The following SLC26A7 variants were observed in gnomAD, a reference collection of about 807,000 sequenced individuals.
SLC26A7 encodes the protein solute carrier family 26 member 7, also known as anion exchange transporter.
In SLC26A7, 59 loss-of-function variants were observed where a neutral mutation model predicts 82.5. The observed-to-expected ratio is 0.72, with a 90% CI of 0.58 to 0.89. SLC26A7 has a LOEUF of 0.89. Among genes scored for constraint, SLC26A7 ranks in the 40% least tolerant of loss-of-function variants. The pLI, the probability that SLC26A7 is intolerant of heterozygous loss-of-function variation, is 0.00. For synonymous variants in SLC26A7, 271 were observed against 274.3 expected (o/e 0.99, Z 0.12); for missense variants, 820 against 793.0 (o/e 1.03, Z -0.41).
chr8:91,390,216 A>G (rs975360157), intron 16 of SLC26A7, among the ~76,000 whole-genome samples: 3 of 150,638 alleles, frequency 2.0e-5, no homozygotes, highest in Non-Finnish European at 4.4e-5. Flanking sequence ...TCCTGGGATC[A>G]CGCCATTCTC....
At chr8:91,383,261 AATG>A (rs1362287252) in intron 15 of SLC26A7, among the ~76,000 whole-genome samples, 1 of 152,184 alleles carries the variant, frequency 6.6e-6, no homozygotes, top group Non-Finnish European at 1.5e-5. Context: ...GAACAATACA[AATG>A]ATGATTCTGA....
intron 2 of SLC26A7, among the ~76,000 whole-genome samples, chr8:91,222,719 T>C (rs1051856145): frequency 6.6e-6 from 1 of 152,202 alleles, no homozygotes; most frequent in Non-Finnish European, 1.5e-5. Flanking sequence ...TTGATCGTGG[T>C]GGATAAATTT....
intron 3 of SLC26A7, among the ~76,000 whole-genome samples, chr8:91,290,695 C>G (rs1167824404): frequency 6.6e-6 from 1 of 152,188 alleles, no homozygotes; most frequent in East Asian, 1.9e-4. Flanking sequence ...TTAATTCTCT[C>G]TTACCATATA....
At chr8:91,295,481 C>A (rs1811990129) in intron 3 of SLC26A7, 50 bp from the exon 4 acceptor site, 1 of 1,564,826 alleles carries the variant, frequency 6.4e-7, no homozygotes, top group Non-Finnish European at 8.7e-7. Flanking sequence ...TTTTATTGAG[C>A]CTTTAAATCA....
chr8:91,242,513 A>C (rs1810488185), intron 2 of SLC26A7, among the ~76,000 whole-genome samples: 1 of 152,180 alleles, frequency 6.6e-6, no homozygotes, highest in African/African-American at 2.4e-5. Context: ...CCCCAGTGTG[A>C]TGGAATCTAG....
intron 15 of SLC26A7, among the ~76,000 whole-genome samples, chr8:91,377,764 TG>T (rs1185947278): frequency 6.6e-6 from 1 of 152,176 alleles, no homozygotes; most frequent in African/African-American, 2.4e-5. Flanking sequence ...CCCCCACCTA[TG>T]TTTTCCGTGA....
intron 4 of SLC26A7, among the ~76,000 whole-genome samples, chr8:91,307,784 A>C (rs1013640655): frequency 4.4e-4 from 64 of 145,598 alleles, no homozygotes; most frequent in African/African-American, 1.5e-3. Context: ...ATGTACCCTA[A>C]AACTTAAAGT....
chr8:91,390,352 C>A (rs1235678464), intron 16 of SLC26A7, among the ~76,000 whole-genome samples: 1 of 152,144 alleles, frequency 6.6e-6, no homozygotes, highest in Non-Finnish European at 1.5e-5. Flanking sequence ...CTCCTGACCT[C>A]GTGATCTACC....
At chr8:91,279,123 G>GTATATA (rs1223990677) in intron 2 of SLC26A7, among the ~76,000 whole-genome samples, 22 of 78,782 alleles carry the variant, frequency 2.8e-4, no homozygotes, top group African/African-American at 1.3e-3. Flanking sequence ...GTGTGTGTGT[G>GTATATA]TGTATATATA....
chr8:91,343,065 T>G (rs1416393043), intron 8 of SLC26A7: 2 of 275,026 alleles, frequency 7.3e-6, no homozygotes, highest in African/African-American at 2.2e-5. Context: ...CTGACTGATG[T>G]GACCTAAAGA....
chr8:91,267,295 T>C (rs1811140562), intron 2 of SLC26A7, among the ~76,000 whole-genome samples: 1 of 151,958 alleles, frequency 6.6e-6, no homozygotes, highest in Admixed American at 6.6e-5. Flanking sequence ...CAGTATTCTC[T>C]CCTCTTCAAC....
intron 2 of SLC26A7, among the ~76,000 whole-genome samples, chr8:91,281,521 G>T (rs79482364): frequency 6.6e-6 from 1 of 152,054 alleles, no homozygotes; most frequent in Admixed American, 6.5e-5. Flanking sequence ...GGTATCCCGG[G>T]GTGTCCTAGA....
At chr8:91,321,816 T>A (rs1337374634) in intron 5 of SLC26A7, among the ~76,000 whole-genome samples, 1 of 152,102 alleles carries the variant, frequency 6.6e-6, no homozygotes, top group African/African-American at 2.4e-5. Context: ...TGGGAAAAAA[T>A]TATTATTTTT....
At chr8:91,340,977 A>G (rs1220270163) in intron 8 of SLC26A7, among the ~76,000 whole-genome samples, 1 of 144,436 alleles carries the variant, frequency 6.9e-6, no homozygotes, top group Non-Finnish European at 1.5e-5. Flanking sequence ...ACTTTTGCAT[A>G]TGTCCTGTTT....
At chr8:91,259,213 A>C (rs1424836456) in intron 2 of SLC26A7, among the ~76,000 whole-genome samples, 1 of 152,054 alleles carries the variant, frequency 6.6e-6, no homozygotes, top group Non-Finnish European at 1.5e-5. Context: ...ATCTAATCAC[A>C]CAGGTTCCAT....
In SLC26A7 at chr8:91,239,400, ATATATATATATG is replaced by A. The variant is rs1457557023; in HGVS notation, c.-33-10213_-33-10202del. 1.3e-3 allele frequency among the ~76,000 whole-genome samples: 144 copies of A among 111,800 alleles called. 6 individuals are homozygous for A. Among genetic ancestry groups the A allele is most frequent in the East Asian group, 0.012 (43 of 3,528 alleles). 73.3% of individuals were successfully genotyped at this position (111,800 alleles called of 152,430 possible). Reference sequence around the variant, plus strand: ...CAAAAAAAAAAAAAAAAAAAAATATATATATATATATGTATATGTATATATATGTATATATGT... The same window carrying A: ...CAAAAAAAAAAAAAAAAAAAAATATATATATGTATATATATGTATATATGT... On this transcript the variant is annotated intron_variant, in intron 2 of 5. Coordinates refer to the SLC26A7 transcript ENST00000522862.
rs747075043 is a variant in SLC26A7, at chr8:91,362,399, A to G, written c.1361A>G (p.Asn454Ser). The G allele has an allele frequency of 2.4e-5, 38 of 1,613,364 alleles. 1 individual carries two copies. The South Asian group carries it at 2.9e-4, about 12-fold the overall frequency. The change falls in exon 12 of 19, where the codon AAT (asparagine) becomes AGT (serine). Residue 454 changes from asparagine to serine, a missense_variant. Physicochemically the swap from Asn to Ser is conservative, Grantham distance 46 (BLOSUM62 1). Coordinates refer to ENST00000276609, the MANE Select transcript of SLC26A7 (RefSeq NM_052832.4). ...GTATTTACAATATGCTTTGCTGCCA[A>G]TGTGGGACTGCTGTTTGGTGTTGTT... ...TYVFTICFAA[N>S]VGLLFGVVCT...
chr8:91,380,103 A>G (rs1222289269), intron 15 of SLC26A7, among the ~76,000 whole-genome samples: 1 of 151,278 alleles, frequency 6.6e-6, no homozygotes, highest in Non-Finnish European at 1.5e-5. Flanking sequence ...AAATAACTCT[A>G]TATGTATGAT....
intron 1 of SLC26A7, among the ~76,000 whole-genome samples, chr8:91,216,293 A>G (rs1818684957): frequency 6.6e-6 from 1 of 152,080 alleles, no homozygotes; most frequent in Non-Finnish European, 1.5e-5. Flanking sequence ...ATAAGAGCCA[A>G]CCTAAACTCT....
Sources: allele counts gnomAD v4.1 joint callset (sites outside exome capture counted in the v4.1 genomes callset), GRCh38; gene constraint gnomAD v4.1.1; transcripts MANE v1.5; gene names NCBI Gene and HGNC (gene_info 2026-07-23, HGNC 2026-07-21).